The following PTH1R variants were observed in gnomAD, a reference collection of about 807,000 sequenced individuals.
PTH1R encodes parathyroid hormone 1 receptor, also known as parathyroid hormone/parathyroid hormone-related peptide receptor.
Under a neutral mutation model 70.7 loss-of-function variants are expected in PTH1R, and 32 were observed. The observed-to-expected ratio is 0.45, with a 90% CI of 0.34 to 0.61. The LOEUF (loss-of-function observed/expected upper bound fraction) is 0.61, where lower values mean the gene tolerates loss of function less well. Among genes scored for constraint, PTH1R ranks in the 20% least tolerant of loss-of-function variants. PTH1R has a pLI of 0.01. For synonymous variants in PTH1R, 329 were observed against 324.8 expected (o/e 1.01, Z -0.14); for missense variants, 626 against 792.5 (o/e 0.79, Z 2.52).
In PTH1R at chr3:46,894,270, G is replaced by A. The variant is rs1304947577; in HGVS notation, c.178+261G>A. On this transcript the variant is annotated intron_variant, in intron 4 of 15. Coordinates refer to ENST00000449590, the MANE Select transcript of PTH1R (RefSeq NM_000316.3). The stretch of plus-strand genomic sequence containing the variant: ...ACCAGCACTCAGACTGATAGCTGTC[G>A]GGTTAATCTCATCAACTGAAGAGGC... 3.9e-5 allele frequency among the ~76,000 whole-genome samples: 6 copies of A among 152,226 alleles called. No homozygotes were observed. In the South Asian group the frequency reaches 8.3e-4, roughly 21 times the overall value.
At position 46,895,765 on chromosome 3, in the gene PTH1R, C is replaced by T; in HGVS notation, c.209C>T (p.Thr70Ile). 6.2e-7 allele frequency: 1 copy of T among 1,614,184 alleles called. No individual in the cohort carries two copies. The highest frequency in any genetic ancestry group is 8.5e-7 in the Non-Finnish European group (1 of 1,180,026). The part of the protein sequence containing the change: ...ASIMESDKGW[T>I]SASTSGKPRK... ...ATAATGGAATCAGACAAGGGATGGA[C>T]ATCTGCGTCCACATCAGGGAAGCCC... The change falls in exon 5 of 16, where the codon ACA (threonine) becomes ATA (isoleucine). Residue 70 changes from threonine to isoleucine, a missense_variant. Thr to Ile is a moderately conservative substitution (Grantham distance 89). Transcript: ENST00000449590.
chr3:46,899,474 G>A lies in PTH1R; in HGVS notation c.988+18G>A. ...CGGCTGGGGTACGCGGGCACAGCGG[G>A]TAGCGAGGTGCCGGCAGGGGTGGGA... On this transcript the variant is annotated intron_variant, in intron 10 of 15. Transcript: ENST00000449590. 1 of 1,605,834 alleles carries A rather than the reference G, an allele frequency of 6.2e-7. No individual in the cohort carries two copies. Among genetic ancestry groups the A allele is most frequent in the Non-Finnish European group, 8.5e-7 (1 of 1,175,742 alleles).
rs907730999 is a variant in PTH1R, at chr3:46,901,816, G to A, written c.1167G>A (p.Leu389=). The change falls in exon 13 of 16, where the codon CTG becomes CTA. Residue 389 remains leucine (L), a synonymous_variant. Transcript: ENST00000449590. This position sits in a 1 kb window ranked among gnomAD's most constrained non-coding sequence, Gnocchi z 7.3. ...TCGTCCGGGTGCTCGCCACCAAGCT[G>A]CGGGAGACCAACGCCGGCCGGTGTG... ...INIVRVLATK[L]RETNAGRCDT... 6.2e-7 allele frequency: 1 copy of A among 1,613,946 alleles called. No homozygotes were observed. Among genetic ancestry groups the A allele is most frequent in the African/African-American group, 1.3e-5 (1 of 74,930 alleles).
rs146215276 is a variant in PTH1R at position 46,891,337 on chromosome 3, G to A, written c.76-2570G>A. On this transcript the variant is annotated intron_variant, in intron 3 of 15. Coordinates refer to ENST00000449590, the MANE Select transcript of PTH1R (RefSeq NM_000316.3). The surrounding 1 kb of genome is among the most constrained non-coding windows in gnomAD (Gnocchi z 4.3). ...CCTTGAGCCAGTGAGGGGTGTGTTG[G>A]TCAGCTTTCGGTGGTCAGGCTGCCC... Among the ~76,000 whole-genome samples the A allele has an allele frequency of 3.3e-5, 5 of 152,358 alleles. No homozygotes were observed. The highest frequency in any genetic ancestry group is 5.9e-5 in the Non-Finnish European group (4 of 68,044).
Position 46,897,290 on chromosome 3 carries a change from G to A in PTH1R, c.314-565G>A, listed in dbSNP as rs1201747591. 2.0e-5 allele frequency among the ~76,000 whole-genome samples: 3 copies of A among 152,354 alleles called. No homozygotes were observed. In the East Asian group the frequency reaches 5.8e-4, roughly 29 times the overall value. ...TCTCTTGGCCTCTGTCAGCCCATCT[G>A]GAAAATGGGGCCAGTGCCAGTACCT... On this transcript the variant is annotated intron_variant, in intron 5 of 15. Transcript: ENST00000449590.
Position 46,883,570 on chromosome 3 carries a change from C to T in PTH1R, c.11C>T (p.Ala4Val). Residue 4 changes from alanine to valine, a missense_variant, in exon 3 of 16, where the codon GCC becomes GTC. Ala to Val is a moderately conservative substitution (Grantham distance 64). Coordinates refer to ENST00000449590, the MANE Select transcript of PTH1R (RefSeq NM_000316.3). The surrounding 1 kb of genome is among the most constrained non-coding windows in gnomAD (Gnocchi z 6.4). MGT[A>V]RIAPGLALLL... ...CCCTAGGCGGTGGCGATGGGGACCGCCCGGATCGCACCCGGCCTGGCGCTC... is the reference window on the plus strand; with the variant it reads ...CCCTAGGCGGTGGCGATGGGGACCGTCCGGATCGCACCCGGCCTGGCGCTC... The T allele has an allele frequency of 1.3e-6, 2 of 1,537,858 alleles. No individual in the cohort carries two copies.
chr3:46,889,239 C>T (rs1259660441), intron 3 of PTH1R, among the ~76,000 whole-genome samples: 1 of 152,204 alleles, frequency 6.6e-6, no homozygotes, highest in Non-Finnish European at 1.5e-5. Context: ...GCCCAACTGT[C>T]CTCTACCCAG....
intron 5 of PTH1R, 33 bp from the exon 6 acceptor site, chr3:46,897,822 G>T: frequency 6.3e-7 from 1 of 1,580,080 alleles, no homozygotes; most frequent in South Asian, 1.1e-5. Flanking sequence ...ACTCTCCCTT[G>T]GTATCCCCTA....
intron 3 of PTH1R, among the ~76,000 whole-genome samples, chr3:46,885,730 G>A (rs1163166745): frequency 6.6e-6 from 1 of 152,148 alleles, no homozygotes; most frequent in Admixed American, 6.5e-5. Context: ...ACTGAAGGGC[G>A]GGGGCAGCCT....
At chr3:46,890,971 G>A (rs1398072910) in intron 3 of PTH1R, among the ~76,000 whole-genome samples, 1 of 152,238 alleles carries the variant, frequency 6.6e-6, no homozygotes, top group African/African-American at 2.4e-5. Flanking sequence ...GTGAACAGGA[G>A]TGGGGGCATT....
chr3:46,883,443 G>C lies in PTH1R; in HGVS notation c.-48-69G>C. 6 of 862,132 alleles carry C rather than the reference G, an allele frequency of 7.0e-6. No individual in the cohort carries two copies. The highest frequency in any genetic ancestry group is 9.1e-6 in the Non-Finnish European group (6 of 657,904). The allele number at this position is 862,132 out of a possible 1,614,324, so 53.4% of individuals were successfully genotyped here. A position where few individuals can be genotyped will look rare whatever the true frequency, so the allele number is the denominator to read the frequency against. The stretch of plus-strand genomic sequence containing the variant: ...GGGCCTCGGGCCGCCGGGACGCCGG[G>C]GTCCCATAGGCCGGGGCGTGGGCGG... On this transcript the variant is annotated intron_variant, in intron 2 of 15. Coordinates refer to ENST00000449590, the MANE Select transcript of PTH1R (RefSeq NM_000316.3). The surrounding 1 kb of genome is among the most constrained non-coding windows in gnomAD (Gnocchi z 6.4).
rs1265846914 is a variant in PTH1R at position 46,898,651 on chromosome 3, G to T, written c.639-11G>T. On this transcript the variant is annotated splice_polypyrimidine_tract_variant and intron_variant, in intron 8 of 15. Transcript: ENST00000449590. ...GTGCCCCCACCCACGGTCATGTCGC[G>T]CGCCCCGCAGGCGGCTGCACTGCAC... 1.2e-6 allele frequency: 2 copies of T among 1,611,112 alleles called. No homozygotes were observed. Among genetic ancestry groups the T allele is most frequent in the Non-Finnish European group, 8.5e-7 (1 of 1,179,608 alleles).
In PTH1R at chr3:46,902,431, G is replaced by A; in HGVS notation, c.1212-95G>A. ...TGACTGGAGCCCTGGGCCCCTTTGA[G>A]CTTCCGGAGCCTGGGGCTCGCAGGG... On this transcript the variant is annotated intron_variant, in intron 13 of 15. Transcript: ENST00000449590. The surrounding 1 kb of genome is among the most constrained non-coding windows in gnomAD (Gnocchi z 5.4). 6.5e-7 allele frequency: 1 copy of A among 1,535,490 alleles called. No individual in the cohort carries two copies. Among genetic ancestry groups the A allele is most frequent in the Non-Finnish European group, 8.8e-7 (1 of 1,132,194 alleles).
Position 46,903,370 on chromosome 3 carries a change from TG to T in PTH1R, c.1498del (p.Val500CysfsTer6). The T allele has an allele frequency of 6.2e-7, 1 of 1,613,694 alleles. No homozygotes were observed. Among genetic ancestry groups the T allele is most frequent in the Non-Finnish European group, 8.5e-7 (1 of 1,180,016 alleles). On this transcript the variant is annotated frameshift_variant, in exon 16 of 16. Transcript: ENST00000449590. LOFTEE classifies it high-confidence loss of function. The surrounding 1 kb of genome is among the most constrained non-coding windows in gnomAD (Gnocchi z 4.4). ...AGCAGCAGCTATAGCTACGGCCCCATGGTGTCCCACACAAGTGTGACCAATG... is the reference window on the plus strand; with the variant it reads ...AGCAGCAGCTATAGCTACGGCCCCATGTGTCCCACACAAGTGTGACCAATG... The part of the protein sequence containing the change: ...SGSSSYSYGP[M>X]VSHTSVTNVG...
In PTH1R at chr3:46,892,869, G is replaced by A. The variant is rs968419650; in HGVS notation, c.76-1038G>A. ...ACATACCCCTGCCCAGGGGTCTGAG[G>A]AAACACGACCCTGAATTAAGAGGGA... On this transcript the variant is annotated intron_variant, in intron 3 of 15. Coordinates refer to ENST00000449590, the MANE Select transcript of PTH1R (RefSeq NM_000316.3). This position sits in a 1 kb window ranked among gnomAD's most constrained non-coding sequence, Gnocchi z 5.2. 3.3e-6 allele frequency: 3 copies of A among 919,908 alleles called. No homozygotes were observed. 57.0% of individuals were successfully genotyped at this position (919,908 alleles called of 1,614,324 possible).
In PTH1R at chr3:46,903,134, G is replaced by A; in HGVS notation, c.1396-136G>A. The A allele has an allele frequency of 6.8e-7, 1 of 1,481,152 alleles. No homozygotes were observed. Among genetic ancestry groups the A allele is most frequent in the Non-Finnish European group, 9.2e-7 (1 of 1,090,954 alleles). 91.8% of individuals were successfully genotyped at this position (1,481,152 alleles called of 1,614,324 possible). A position where few individuals can be genotyped will look rare whatever the true frequency, so the allele number is the denominator to read the frequency against. ...AGCCAAACACCCTGTTGTGAGGATG[G>A]GATTTCACTTGGCCTTGGAGTTTCC... is the stretch of plus-strand genomic sequence containing the variant. On this transcript the variant is annotated intron_variant, in intron 15 of 15. Transcript: ENST00000449590. This position sits in a 1 kb window ranked among gnomAD's most constrained non-coding sequence, Gnocchi z 4.4.
At chr3:46,898,296 C>CCTTACCCTGGCCTCTTGCT (rs1186279273) in intron 7 of PTH1R, 82 bp from the exon 8 acceptor site, 41 of 1,573,878 alleles carry the variant, frequency 2.6e-5, no homozygotes, top group Non-Finnish European at 3.4e-5. Flanking sequence ...CCTCCAGCAA[C>CCTTACCCTGGCCTCTTGCT]CTTACCCTGG....
At chr3:46,899,707 G>A (rs1399706685) in intron 10 of PTH1R, among the ~76,000 whole-genome samples, 1 of 152,200 alleles carries the variant, frequency 6.6e-6, no homozygotes, top group Non-Finnish European at 1.5e-5. Flanking sequence ...AGAGGGAAAG[G>A]AGGAACCATC....
chr3:46,903,445 C>T lies in PTH1R; in HGVS notation c.1571C>T (p.Pro524Leu), dbSNP rs2032252075. The T allele has an allele frequency of 1.2e-6, 2 of 1,613,582 alleles. No individual in the cohort carries two copies. Among genetic ancestry groups the T allele is most frequent in the Admixed American group, 1.7e-5 (1 of 60,024 alleles). Residue 524 changes from proline to leucine, a missense_variant, in exon 16 of 16, where the codon CCC becomes CTC. Physicochemically the swap from Pro to Leu is moderately conservative, Grantham distance 98. Around this residue, in one of 3 missense-constraint regions of PTH1R, gnomAD observed 495 missense variants for 638.7 expected, o/e 0.77. Coordinates refer to ENST00000449590, the MANE Select transcript of PTH1R (RefSeq NM_000316.3). The surrounding 1 kb of genome is among the most constrained non-coding windows in gnomAD (Gnocchi z 4.4). ...LGLPLSPRLL[P>L]TATTNGHPQL... ...CTGCCCCTCAGCCCCCGCCTACTGC[C>T]CACTGCCACCACCAACGGCCACCCT... is the stretch of plus-strand genomic sequence containing the variant.
Sources: allele counts gnomAD v4.1 joint callset (sites outside exome capture counted in the v4.1 genomes callset), GRCh38; gene constraint gnomAD v4.1.1; regional missense constraint gnomAD v4.1.1; non-coding constraint Gnocchi (gnomAD v3.1); transcripts MANE v1.5; gene names NCBI Gene and HGNC (gene_info 2026-07-23, HGNC 2026-07-21).